Variants in ZSCAN18 observed in about 807,000 individuals in gnomAD.
ZSCAN18 encodes the protein zinc finger and SCAN domain-containing protein 18.
In ZSCAN18, 16 loss-of-function variants were observed where a neutral mutation model predicts 31.1. The ratio of observed to expected loss-of-function variants is 0.51; its 90% CI spans 0.35 to 0.78. ZSCAN18 has a LOEUF of 0.78. Among genes scored for constraint, ZSCAN18 ranks in the 30% least tolerant of loss-of-function variants. ZSCAN18 has a pLI of 0.01. For synonymous variants in ZSCAN18, 375 were observed against 320.7 expected (o/e 1.17, Z -1.81); for missense variants, 731 against 697.4 (o/e 1.05, Z -0.54).
At chr19:58,094,288 G>A (rs1182603351) in intron 1 of ZSCAN18, among the ~76,000 whole-genome samples, 8 of 151,460 alleles carry the variant, frequency 5.3e-5, no homozygotes, top group African/African-American at 9.7e-5. Context: ...GCAGGCGCCC[G>A]TAGTCCCAGC....
At chr19:58,107,677 C>T (rs369391762) in intron 1 of ZSCAN18, 5 of 987,158 alleles carry the variant, frequency 5.1e-6, no homozygotes, top group Non-Finnish European at 6.0e-6. Context: ...ACAACATAAA[C>T]TCTTCAACAT....
upstream of ZSCAN18, among the ~76,000 whole-genome samples, chr19:58,102,118 T>G (rs1395505791): frequency 3.9e-5 from 6 of 151,954 alleles, no homozygotes; most frequent in African/African-American, 1.5e-4. Flanking sequence ...GAGTAGAAGC[T>G]CCATAAGGAC....
chr19:58,087,304 G>A lies in ZSCAN18; in HGVS notation c.642+12C>T, dbSNP rs777940664. On this transcript the variant is annotated intron_variant, in intron 4 of 6. Coordinates refer to ENST00000601144, the MANE Select transcript of ZSCAN18 (RefSeq NM_001145543.2). ...GCCAAGGCCCCTCACCCACCTGCTC[G>A]TGCCCACCCACCTGCTCGGTGTTGG... 4.9e-5 allele frequency: 78 copies of A among 1,596,762 alleles called. 1 individual carries two copies. The South Asian group carries it at 6.0e-4, about 12-fold the overall frequency.
intron 1 of ZSCAN18, among the ~76,000 whole-genome samples, chr19:58,091,685 T>G (rs552036787): frequency 6.6e-6 from 1 of 152,296 alleles, no homozygotes. Context: ...TGATTGTAAC[T>G]GTGCACCAAC....
intron 1 of ZSCAN18, among the ~76,000 whole-genome samples, chr19:58,115,218 C>G (rs967922991): frequency 7.9e-5 from 12 of 152,144 alleles, no homozygotes; most frequent in Non-Finnish European, 1.5e-4. Flanking sequence ...CAAGTTCAAT[C>G]CTATTTAATC....
chr19:58,098,298 T>G, upstream of ZSCAN18: 1 of 985,456 alleles, frequency 1.0e-6, no homozygotes, highest in East Asian at 1.1e-4. Context: ...GCCGCGAGGC[T>G]GTGCCGCGCA....
Position 58,090,218 on chromosome 19 carries a change from G to A in ZSCAN18, c.50C>T (p.Pro17Leu), listed in dbSNP as rs1307647767. 6.8e-6 allele frequency: 11 copies of A among 1,613,634 alleles called. No individual in the cohort carries two copies. Among genetic ancestry groups the A allele is most frequent in the South Asian group, 1.1e-5 (1 of 91,088 alleles). The change falls in exon 2 of 7, where the codon CCG (proline) becomes CTG (leucine). Residue 17 changes from proline (P) to leucine (L), a missense_variant. Physicochemically the swap from Pro to Leu is moderately conservative, Grantham distance 98 (BLOSUM62 -3). Around this residue, in one of 4 missense-constraint regions of ZSCAN18, gnomAD observed 86 missense variants for 119.1 expected, o/e 0.72. Coordinates refer to ENST00000601144, the MANE Select transcript of ZSCAN18 (RefSeq NM_001145543.2). The surrounding 1 kb of genome is among the most constrained non-coding windows in gnomAD (Gnocchi z 4.7). Reference sequence around the variant, plus strand: ...TGACCCCGGCGTGGGCAGATCCGGCGGGGCTGGGGAGCTCCTGGGGGAGGC... The same window carrying A: ...TGACCCCGGCGTGGGCAGATCCGGCAGGGCTGGGGAGCTCCTGGGGGAGGC... ...AFASPRSSPA[P>L]PDLPTPGSAA...
chr19:58,094,326 G>C, intron 1 of ZSCAN18, among the ~76,000 whole-genome samples: 1 of 151,548 alleles, frequency 6.6e-6, no homozygotes, highest in Non-Finnish European at 1.5e-5. Flanking sequence ...CAGGAGAATG[G>C]TGTGAACCCG....
intron 1 of ZSCAN18, among the ~76,000 whole-genome samples, chr19:58,117,871 C>T (rs11084538): frequency 0.73 from 110,954 of 151,564 alleles, 41,907 homozygotes; most frequent in Non-Finnish European, 0.84. Flanking sequence ...TTAGAGGGTC[C>T]GTGCTCCACA....
rs75110886 is a variant in ZSCAN18, at chr19:58,108,637, G to C, written c.130+9630C>G. On this transcript the variant is annotated intron_variant, in intron 1 of 1. Transcript: ENST00000595721. ...AGTCCTCTGGTGACTGATGAAATGA[G>C]ATTTCGGTCTAACGGACAGTCCACA... 8.8e-4 allele frequency: 863 copies of C among 985,578 alleles called. 6 individuals are homozygous for C. The African/African-American group carries it at 0.014, about 16-fold the overall frequency. The allele number at this position is 985,578 out of a possible 1,614,324, so 61.1% of individuals were successfully genotyped here. A position where few individuals can be genotyped will look rare whatever the true frequency, so the allele number is the denominator to read the frequency against.
chr19:58,086,805 A>C (rs2074289496), intron 5 of ZSCAN18, 101 bp downstream of exon 5: 3 of 798,068 alleles, frequency 3.8e-6, no homozygotes, highest in Non-Finnish European at 6.1e-6. Context: ...GTAAGACATC[A>C]CAGTGTCCCA....
chr19:58,101,105 A>G (rs890706972), upstream of ZSCAN18, among the ~76,000 whole-genome samples: 2 of 150,062 alleles, frequency 1.3e-5, no homozygotes, highest in African/African-American at 4.9e-5. Flanking sequence ...TAACAACATC[A>G]GGTGCAGTTA....
chr19:58,098,539 G>A (rs1472259897), upstream of ZSCAN18, among the ~76,000 whole-genome samples: 1 of 152,208 alleles, frequency 6.6e-6, no homozygotes, highest in African/African-American at 2.4e-5. Flanking sequence ...GGGAGGGAGA[G>A]AAGCATGAAG....
intron 2 of ZSCAN18, 97 bp downstream of exon 2, chr19:58,089,768 A>C: frequency 1.4e-6 from 2 of 1,429,814 alleles, no homozygotes; most frequent in Non-Finnish European, 1.9e-6. Flanking sequence ...AGTGTGGGGA[A>C]CTTAACTATC....
chr19:58,112,950 C>CAAAAAA (rs55721042), intron 1 of ZSCAN18, among the ~76,000 whole-genome samples: 21,812 of 68,932 alleles, frequency 0.32, 5,251 homozygotes, highest in Non-Finnish European at 0.35. Flanking sequence ...GGCTCCGTTT[C>CAAAAAA]AAAAAAAAAA....
At chr19:58,087,055 G>T (rs1165488613) in intron 4 of ZSCAN18, 47 bp from the exon 5 acceptor site, 1 of 1,474,180 alleles carries the variant, frequency 6.8e-7, no homozygotes, top group Non-Finnish European at 9.3e-7. Flanking sequence ...CCTAGAGAAG[G>T]GAGGACCCGC....
intron 1 of ZSCAN18, among the ~76,000 whole-genome samples, chr19:58,117,990 GAGAGT>G (rs2074745806): frequency 6.6e-6 from 1 of 152,136 alleles, no homozygotes; most frequent in East Asian, 1.9e-4. Context: ...ACCACGAAAG[GAGAGT>G]AGAGGGCTCG....
upstream of ZSCAN18, chr19:58,098,440 G>A (rs2074563802): frequency 2.1e-6 from 2 of 933,794 alleles, no homozygotes; most frequent in Admixed American, 6.2e-5. Context: ...GTAAACAAGC[G>A]GGTAAATAAT....
At chr19:58,093,215 C>G (rs1465443909) in intron 1 of ZSCAN18, 1 of 152,444 alleles carries the variant, frequency 6.6e-6, no homozygotes, top group African/African-American at 2.4e-5. Context: ...GCCTCCCCCA[C>G]TGGAATGCAT....
Sources: gnomAD v4.1 joint callset for allele counts (sites outside exome capture counted in the v4.1 genomes callset) on GRCh38, gnomAD v4.1.1 for gene constraint, gnomAD v4.1.1 regional missense constraint, Gnocchi (gnomAD v3.1) non-coding constraint, MANE v1.5 for transcripts, NCBI Gene and HGNC (gene_info 2026-07-23, HGNC 2026-07-21) for gene names.